Variants in EPHB1 observed in about 807,000 individuals in gnomAD.
The protein encoded by EPHB1 is EPH receptor B1.
A neutral mutation model predicts 94.4 loss-of-function variants in EPHB1; 30 were observed. That is an observed-to-expected ratio of 0.32 (90% CI 0.24 to 0.43). The LOEUF (loss-of-function observed/expected upper bound fraction) is 0.43, where lower values mean the gene tolerates loss of function less well. Ranked by LOEUF, EPHB1 falls within the 20% of genes least tolerant of loss-of-function variation. EPHB1 has a pLI of 1.00. For missense variants in EPHB1, 1,055 were observed against 1,308.3 expected, an observed-to-expected ratio of 0.81 and a Z score of 2.99; for synonymous variants, 522 against 489.1, an observed-to-expected ratio of 1.07 and a Z score of -0.89.
chr3:135,085,085 T>C (rs1292128132), intron 3 of EPHB1, among the ~76,000 whole-genome samples: 1 of 152,198 alleles, frequency 6.6e-6, no homozygotes, highest in Non-Finnish European at 1.5e-5. Flanking sequence ...GTGAATTTCA[T>C]TGACCCATTG....
At position 135,248,458 on chromosome 3, in the gene EPHB1, A is replaced by AGAT. The variant is rs1182144076; in HGVS notation, c.2643_2645dup (p.Met881dup). The stretch of plus-strand genomic sequence containing the variant: ...GCGGAGATTGTCAACACCCTAGATA[A>AGAT]GATGATCCGGAACCCGGCAAGTCTC... On this transcript the variant is annotated inframe_insertion, in exon 14 of 16. Transcript: ENST00000398015. The AGAT allele has an allele frequency of 1.9e-6, 3 of 1,613,166 alleles. No individual in the cohort carries two copies. Among genetic ancestry groups the AGAT allele is most frequent in the East Asian group, 2.2e-5 (1 of 44,842 alleles).
At chr3:135,066,169 A>G (rs1222087551) in intron 3 of EPHB1, among the ~76,000 whole-genome samples, 2 of 152,198 alleles carry the variant, frequency 1.3e-5, no homozygotes, top group Non-Finnish European at 2.9e-5. Flanking sequence ...CCTGATGGCA[A>G]TGTGCCTAGG....
intron 1 of EPHB1, among the ~76,000 whole-genome samples, chr3:134,865,818 T>C (rs925281568): frequency 1.3e-5 from 2 of 152,246 alleles, no homozygotes; most frequent in African/African-American, 4.8e-5. Context: ...CATATTTGTA[T>C]GTATTAGGTT....
At chr3:134,862,943 G>A (rs140962130) in intron 1 of EPHB1, among the ~76,000 whole-genome samples, 2 of 152,310 alleles carry the variant, frequency 1.3e-5, no homozygotes, top group East Asian at 3.9e-4. Flanking sequence ...GGAATTTGGG[G>A]CCATCCTCAG....
At chr3:135,187,139 T>C (rs1158268010) in intron 10 of EPHB1, among the ~76,000 whole-genome samples, 1 of 152,114 alleles carries the variant, frequency 6.6e-6, no homozygotes, top group African/African-American at 2.4e-5. Context: ...CCTAACCAAA[T>C]AGATGTCTGG....
chr3:135,085,680 C>T (rs1938336289), intron 3 of EPHB1, among the ~76,000 whole-genome samples: 1 of 152,214 alleles, frequency 6.6e-6, no homozygotes, highest in Non-Finnish European at 1.5e-5. Flanking sequence ...TGTTCCTCAG[C>T]ACACACAAAG....
At chr3:135,235,664 T>C (rs759604195) in intron 12 of EPHB1, among the ~76,000 whole-genome samples, 5 of 152,192 alleles carry the variant, frequency 3.3e-5, no homozygotes, top group Non-Finnish European at 7.4e-5. Context: ...TGGGAACCAC[T>C]GGGCTAGGCC....
chr3:135,135,749 G>T (rs891875288), intron 5 of EPHB1, among the ~76,000 whole-genome samples: 2 of 152,194 alleles, frequency 1.3e-5, no homozygotes, highest in African/African-American at 4.8e-5. Flanking sequence ...GGCAGGCAAA[G>T]AATTTGACCA....
intron 12 of EPHB1, among the ~76,000 whole-genome samples, chr3:135,207,212 T>C (rs1559875039): frequency 6.6e-6 from 1 of 152,224 alleles, no homozygotes; most frequent in Non-Finnish European, 1.5e-5. Flanking sequence ...AGTGTCTTTG[T>C]AGATGATAGA....
chr3:135,228,858 GAC>G (rs1943465195), intron 12 of EPHB1, among the ~76,000 whole-genome samples: 1 of 152,068 alleles, frequency 6.6e-6, no homozygotes, highest in South Asian at 2.1e-4. Context: ...CATATGCAAG[GAC>G]ACACTTCTCC....
intron 3 of EPHB1, among the ~76,000 whole-genome samples, chr3:134,953,641 G>GA (rs1933127452): frequency 6.6e-6 from 1 of 152,194 alleles, no homozygotes; most frequent in Non-Finnish European, 1.5e-5. Flanking sequence ...TGATTTCTTT[G>GA]GTTTTCAGAG....
At chr3:135,201,916 T>G (rs1942767039) in intron 12 of EPHB1, among the ~76,000 whole-genome samples, 2 of 152,060 alleles carry the variant, frequency 1.3e-5, no homozygotes, top group Admixed American at 1.3e-4. Flanking sequence ...GAAGGGTCAG[T>G]GTCTATTATG....
chr3:135,131,386 A>G (rs1041371641), intron 4 of EPHB1, among the ~76,000 whole-genome samples: 2 of 152,112 alleles, frequency 1.3e-5, no homozygotes, highest in Non-Finnish European at 2.9e-5. Flanking sequence ...TTGTGTTGGC[A>G]TTTGATTCCT....
At chr3:134,823,223 T>A (rs1001567305) in intron 1 of EPHB1, among the ~76,000 whole-genome samples, 2 of 152,208 alleles carry the variant, frequency 1.3e-5, no homozygotes, top group African/African-American at 4.8e-5. Context: ...GCCTCCTTGA[T>A]GGAGAAAGTC....
At chr3:134,883,195 A>C (rs1335654816) in intron 1 of EPHB1, among the ~76,000 whole-genome samples, 1 of 152,174 alleles carries the variant, frequency 6.6e-6, no homozygotes, top group African/African-American at 2.4e-5. Context: ...ACATGTTGGC[A>C]CTCCACTTTG....
chr3:135,192,203 A>G (rs895164343), intron 10 of EPHB1, among the ~76,000 whole-genome samples: 2 of 124,970 alleles, frequency 1.6e-5, no homozygotes, highest in Non-Finnish European at 3.4e-5. Flanking sequence ...TTCTTGCACC[A>G]GTATCTGCTA....
At chr3:134,810,276 A>AGTGTGTGTGTGTGTGTGTGTGT (rs35841212) in intron 1 of EPHB1, among the ~76,000 whole-genome samples, 26 of 145,890 alleles carry the variant, frequency 1.8e-4, no homozygotes, top group East Asian at 1.4e-3. Flanking sequence ...GCACAGGAGG[A>AGTGTGTGTGTGTGTGTGTGTGT]GTGTGTGTGT....
At chr3:135,020,455 A>G (rs995496047) in intron 3 of EPHB1, among the ~76,000 whole-genome samples, 1 of 152,228 alleles carries the variant, frequency 6.6e-6, no homozygotes, top group African/African-American at 2.4e-5. Context: ...AGCCCTAGGC[A>G]TCCACCAATC....
intron 3 of EPHB1, among the ~76,000 whole-genome samples, chr3:135,031,200 A>G: frequency 6.6e-6 from 1 of 152,206 alleles, no homozygotes; most frequent in Non-Finnish European, 1.5e-5. Flanking sequence ...CGTCAGGCTG[A>G]GAGCTGTAGA....
Sources: gnomAD v4.1 joint callset for allele counts (sites outside exome capture counted in the v4.1 genomes callset) on GRCh38, gnomAD v4.1.1 for gene constraint, MANE v1.5 for transcripts, NCBI Gene and HGNC (gene_info 2026-07-23, HGNC 2026-07-21) for gene names.